DAB1: variants seen among roughly 807,000 people sequenced by gnomAD.
DAB1 encodes disabled homolog 1.
Under a neutral mutation model 64.6 loss-of-function variants are expected in DAB1, and 15 were observed. The ratio of observed to expected loss-of-function variants is 0.23; its 90% CI spans 0.16 to 0.36. DAB1 has a LOEUF of 0.36. DAB1 is among the 10% of genes least tolerant of loss of function. The pLI is 1.00. For synonymous variants in DAB1, 235 were observed against 251.9 expected, an observed-to-expected ratio of 0.93 and a Z score of 0.64; for missense variants, 596 against 706.7, an observed-to-expected ratio of 0.84 and a Z score of 1.78.
At chr1:57,780,046 G>A (rs1649992796) in intron 6 of DAB1, among the ~76,000 whole-genome samples, 1 of 152,078 alleles carries the variant, frequency 6.6e-6, no homozygotes, top group Non-Finnish European at 1.5e-5. Flanking sequence ...ATGGATTTTG[G>A]GCTCAGCTAG....
chr1:57,993,924 G>A (rs1326030167), intron 5 of DAB1, among the ~76,000 whole-genome samples: 1 of 152,130 alleles, frequency 6.6e-6, no homozygotes, highest in Non-Finnish European at 1.5e-5. Context: ...AATGTGCCAG[G>A]CCCTGTGCTA....
In DAB1 at chr1:58,255,784, T is replaced by C. The variant is rs201405049; in HGVS notation, n.309+87568A>G. Among the ~76,000 whole-genome samples the C allele has an allele frequency of 3.9e-5, 6 of 152,142 alleles. No individual in the cohort carries two copies. The East Asian group carries it at 1.2e-3, about 29-fold the overall frequency. On this transcript the variant is annotated intron_variant and non_coding_transcript_variant, in intron 4 of 20. Transcript: ENST00000485760. The stretch of plus-strand genomic sequence containing the variant: ...ACTGGGGAGACAAAATTAACAGGCA[T>C]CTAATGTGGTGACAGACTCAAAACT...
intron 7 of DAB1, among the ~76,000 whole-genome samples, chr1:57,536,067 T>C (rs1644723937): frequency 6.6e-6 from 1 of 152,160 alleles, no homozygotes; most frequent in Non-Finnish European, 1.5e-5. Context: ...TAGATTTCTG[T>C]TTGCAAACAG....
chr1:58,422,286 A>G (rs1644779862), intron 3 of DAB1, among the ~76,000 whole-genome samples: 1 of 151,960 alleles, frequency 6.6e-6, no homozygotes, highest in African/African-American at 2.4e-5. Flanking sequence ...GCACATAGTA[A>G]GCACTCCATG....
At chr1:58,193,874 A>T (rs975238476) in intron 4 of DAB1, among the ~76,000 whole-genome samples, 7 of 152,146 alleles carry the variant, frequency 4.6e-5, no homozygotes, top group Non-Finnish European at 1.0e-4. Context: ...AAAGAAAAGA[A>T]AAACAAAGAA....
chr1:57,874,102 A>C (rs1644001890), intron 1 of DAB1: 1 of 152,188 alleles, frequency 6.6e-6, no homozygotes, highest in Non-Finnish European at 1.5e-5. Context: ...CAGGATTCAG[A>C]TGGGACTGCT....
chr1:57,471,753 A>T (rs937872466), intron 7 of DAB1, among the ~76,000 whole-genome samples: 1 of 152,228 alleles, frequency 6.6e-6, no homozygotes, highest in Non-Finnish European at 1.5e-5. Context: ...TTCTTTTGTA[A>T]ATTACCCAGT....
At chr1:58,081,546 T>C (rs1021243464) in intron 5 of DAB1, among the ~76,000 whole-genome samples, 3 of 152,212 alleles carry the variant, frequency 2.0e-5, no homozygotes, top group African/African-American at 7.2e-5. Flanking sequence ...AAGTTGACAA[T>C]TATTTCACAA....
chr1:58,024,586 A>G (rs1390543317), intron 5 of DAB1, among the ~76,000 whole-genome samples: 3 of 152,220 alleles, frequency 2.0e-5, no homozygotes, highest in Non-Finnish European at 4.4e-5. Context: ...CACCATTGTT[A>G]TCATAAGGAT....
intron 1 of DAB1, among the ~76,000 whole-genome samples, chr1:57,847,827 G>A: frequency 6.6e-6 from 1 of 152,222 alleles, no homozygotes; most frequent in East Asian, 1.9e-4. Flanking sequence ...AGTAAGTTAT[G>A]TATATATCTT....
In DAB1 at chr1:58,478,395, T is replaced by A. The variant is rs1385570234; in HGVS notation, n.257+27665A>T. ...GAAAATGGACTAATAGTACAAAGTA[T>A]GCATTCAGTATATGGTAACAATTTT... On this transcript the variant is annotated intron_variant and non_coding_transcript_variant, in intron 3 of 20. Transcript: ENST00000485760. 2.0e-5 allele frequency among the ~76,000 whole-genome samples: 3 copies of A among 152,214 alleles called. No individual in the cohort carries two copies. The East Asian group carries it at 5.8e-4, about 29-fold the overall frequency.
At chr1:57,282,034 T>G (rs536187754) in intron 2 of DAB1, among the ~76,000 whole-genome samples, 1 of 151,506 alleles carries the variant, frequency 6.6e-6, no homozygotes, top group East Asian at 2.0e-4. Context: ...ATATAAAAAA[T>G]TAGCTGGGTG....
intron 7 of DAB1, among the ~76,000 whole-genome samples, chr1:57,448,038 T>A (rs578188003): frequency 6.6e-6 from 1 of 152,118 alleles, no homozygotes; most frequent in Non-Finnish European, 1.5e-5. Context: ...CCTAAAAACA[T>A]AATTGCAAAG....
chr1:57,355,062 C>T (rs1350686870), intron 1 of DAB1, among the ~76,000 whole-genome samples: 1 of 151,998 alleles, frequency 6.6e-6, no homozygotes, highest in African/African-American at 2.4e-5. Context: ...GAGGTAGAGG[C>T]ACACCAGGAT....
chr1:57,168,694 C>G (rs1394222030), intron 2 of DAB1, among the ~76,000 whole-genome samples: 1 of 152,168 alleles, frequency 6.6e-6, no homozygotes, highest in Admixed American at 6.6e-5. Context: ...CTTTCACAAT[C>G]TATCAATTCT....
At chr1:57,824,931 T>C (rs1652279446), downstream of DAB1, among the ~76,000 whole-genome samples, 1 of 152,166 alleles carries the variant, frequency 6.6e-6, no homozygotes, top group African/African-American at 2.4e-5. Flanking sequence ...ACTGCACTGA[T>C]GAGTGGCCTT....
intron 2 of DAB1, among the ~76,000 whole-genome samples, chr1:57,159,747 C>T (rs1660560280): frequency 6.7e-6 from 1 of 150,240 alleles, no homozygotes; most frequent in South Asian, 2.1e-4. Flanking sequence ...TACTATTAAT[C>T]AGGCTCAGCA....
At chr1:57,798,449 A>C (rs182618046) in intron 6 of DAB1, among the ~76,000 whole-genome samples, 3 of 152,158 alleles carry the variant, frequency 2.0e-5, no homozygotes, top group Non-Finnish European at 4.4e-5. Flanking sequence ...TGCCACTAAG[A>C]TCTTCTCAGA....
intron 4 of DAB1, among the ~76,000 whole-genome samples, chr1:57,073,157 T>C (rs559985798): frequency 3.3e-5 from 5 of 152,308 alleles, no homozygotes; most frequent in Non-Finnish European, 7.3e-5. Context: ...TGTGTATCTG[T>C]AGAACTTTAC....
Sources: allele counts gnomAD v4.1 joint callset (sites outside exome capture counted in the v4.1 genomes callset), GRCh38; gene constraint gnomAD v4.1.1; transcripts MANE v1.5; gene names NCBI Gene and HGNC (gene_info 2026-07-23, HGNC 2026-07-21).